MDFIC: variants seen among roughly 807,000 people sequenced by gnomAD.
The protein encoded by MDFIC is MyoD family inhibitor domain containing, also known as myoD family inhibitor domain-containing protein.
A neutral mutation model predicts 23.2 loss-of-function variants in MDFIC; 17 were observed. The ratio of observed to expected loss-of-function variants is 0.73; its 90% CI spans 0.50 to 1.10. The LOEUF (loss-of-function observed/expected upper bound fraction) is 1.10, where lower values mean the gene tolerates loss of function less well. MDFIC is among the 50% of genes least tolerant of loss of function. MDFIC has a pLI of 0.00. For synonymous variants in MDFIC, 120 were observed against 115.2 expected (o/e 1.04, Z -0.27); for missense variants, 356 against 316.6 (o/e 1.12, Z -0.95).
chr7:115,013,741 A>G (rs1791731781), intron 4 of MDFIC, among the ~76,000 whole-genome samples: 1 of 152,232 alleles, frequency 6.6e-6, no homozygotes, highest in Non-Finnish European at 1.5e-5. Context: ...GGAAAAACTC[A>G]ACTGAAGAGA....
intron 4 of MDFIC, chr7:115,014,380 C>T (rs974296312): frequency 3.9e-6 from 5 of 1,287,214 alleles, no homozygotes; most frequent in African/African-American, 1.5e-5. Context: ...ATATGGCATT[C>T]TATAGAGAAG....
At chr7:114,981,637 A>G (rs1793418886) in intron 4 of MDFIC, among the ~76,000 whole-genome samples, 1 of 152,236 alleles carries the variant, frequency 6.6e-6, no homozygotes, top group African/African-American at 2.4e-5. Context: ...AGACATGAGG[A>G]GCATAAAATA....
At chr7:114,937,013 C>G (rs1249426963) in intron 2 of MDFIC, among the ~76,000 whole-genome samples, 1 of 151,842 alleles carries the variant, frequency 6.6e-6, no homozygotes, top group East Asian at 1.9e-4. Flanking sequence ...TATTAATGCT[C>G]TTAGATTTTT....
In MDFIC at chr7:115,014,488, T is replaced by C. The variant is rs10240393; in HGVS notation, c.494-1200T>C. The C allele has an allele frequency of 1.8e-3, 2,313 of 1,289,794 alleles. 35 individuals carry two copies. The African/African-American group carries it at 0.029, about 16-fold the overall frequency. 79.9% of individuals were successfully genotyped at this position (1,289,794 alleles called of 1,614,324 possible). On this transcript the variant is annotated intron_variant, in intron 4 of 4. Coordinates refer to ENST00000393486, the MANE Select transcript of MDFIC (RefSeq NM_001166345.3). ...TTTGCTGACACTCCATCGAAGGCAC[T>C]TAATTTTAATGCCAAATACAGAAAC...
intron 4 of MDFIC, among the ~76,000 whole-genome samples, chr7:114,990,155 T>G (rs1240159451): frequency 3.3e-5 from 5 of 152,178 alleles, no homozygotes. Context: ...CATCATTGAA[T>G]TACTATCACA....
At chr7:114,979,990 T>C in intron 4 of MDFIC, 1 of 637,862 alleles carries the variant, frequency 1.6e-6, no homozygotes, top group South Asian at 1.7e-5. Flanking sequence ...TAGATAATCG[T>C]CTTCTAGAGT....
chr7:114,968,591 G>A (rs1793148532), intron 3 of MDFIC, among the ~76,000 whole-genome samples: 1 of 152,120 alleles, frequency 6.6e-6, no homozygotes, highest in Non-Finnish European at 1.5e-5. Flanking sequence ...CACCATCCCA[G>A]TTTTTTCCTA....
intron 4 of MDFIC, among the ~76,000 whole-genome samples, chr7:115,013,747 A>G (rs1791732128): frequency 1.3e-5 from 2 of 152,242 alleles, no homozygotes; most frequent in Admixed American, 1.3e-4. Flanking sequence ...ACTCAACTGA[A>G]GAGAGTCATA....
At chr7:115,004,421 G>A (rs943005302) in intron 4 of MDFIC, among the ~76,000 whole-genome samples, 1 of 152,126 alleles carries the variant, frequency 6.6e-6, no homozygotes, top group African/African-American at 2.4e-5. Context: ...ACCTGCCTGG[G>A]CAATATAGTG....
intron 3 of MDFIC, among the ~76,000 whole-genome samples, chr7:114,943,326 G>A (rs1792583537): frequency 6.6e-6 from 1 of 152,012 alleles, no homozygotes; most frequent in Non-Finnish European, 1.5e-5. Flanking sequence ...TCTCTAGAAT[G>A]CCACTACCTG....
At chr7:114,974,540 A>T (rs1793270275) in intron 3 of MDFIC, among the ~76,000 whole-genome samples, 1 of 152,150 alleles carries the variant, frequency 6.6e-6, no homozygotes, top group Non-Finnish European at 1.5e-5. Flanking sequence ...ACTGAATAGC[A>T]TGAGAATTCT....
rs1585126255 is a variant in MDFIC, at chr7:115,016,479, A to G, written c.*544A>G. Reference sequence around the variant, plus strand: ...GAAACCCCATCTCTACTAAAATACAAAAAGTTAGCTGGGCTTGGCGGTGTG... The same window carrying G: ...GAAACCCCATCTCTACTAAAATACAGAAAGTTAGCTGGGCTTGGCGGTGTG... On this transcript the variant is annotated 3_prime_UTR_variant, in exon 5 of 5. Transcript: ENST00000393486. The G allele has an allele frequency of 1.3e-5, 2 of 154,440 alleles. No individual in the cohort carries two copies. Among genetic ancestry groups the G allele is most frequent in the South Asian group, 2.0e-4 (1 of 4,948 alleles). The allele number at this position is 154,440 out of a possible 1,614,324, so 9.6% of individuals were successfully genotyped here.
intron 3 of MDFIC, among the ~76,000 whole-genome samples, chr7:114,954,284 C>T (rs1341275667): frequency 6.6e-6 from 1 of 152,182 alleles, no homozygotes; most frequent in East Asian, 1.9e-4. Context: ...CGTTCTTTTC[C>T]CTTGTAATAT....
At chr7:115,010,568 A>G (rs973595973) in intron 4 of MDFIC, among the ~76,000 whole-genome samples, 2 of 152,154 alleles carry the variant, frequency 1.3e-5, no homozygotes, top group African/African-American at 4.8e-5. Context: ...TAATATCTCT[A>G]TGATCTTGTA....
intron 3 of MDFIC, among the ~76,000 whole-genome samples, chr7:114,951,115 G>T (rs920999389): frequency 4.6e-5 from 7 of 152,328 alleles, no homozygotes; most frequent in Admixed American, 2.0e-4. Context: ...GAGCCTAGGA[G>T]GTTGGGACTG....
chr7:114,967,496 A>G (rs1047188369), intron 3 of MDFIC, among the ~76,000 whole-genome samples: 21 of 152,182 alleles, frequency 1.4e-4, no homozygotes, highest in African/African-American at 4.8e-4. Flanking sequence ...AACATATGGA[A>G]TCTTTGTCTT....
At chr7:114,932,859 C>T (rs1481728619) in intron 2 of MDFIC, among the ~76,000 whole-genome samples, 1 of 152,172 alleles carries the variant, frequency 6.6e-6, no homozygotes, top group Non-Finnish European at 1.5e-5. Flanking sequence ...ATTCTGAAGT[C>T]CCAGAATTCA....
At chr7:114,972,410 C>T (rs1793223188) in intron 3 of MDFIC, among the ~76,000 whole-genome samples, 1 of 152,050 alleles carries the variant, frequency 6.6e-6, no homozygotes, top group South Asian at 2.1e-4. Context: ...CTCTACCACC[C>T]CCTTAGACCT....
chr7:114,974,297 T>TTA (rs5886743), intron 3 of MDFIC, among the ~76,000 whole-genome samples: 1 of 151,048 alleles, frequency 6.6e-6, no homozygotes, highest in Non-Finnish European at 1.5e-5. Flanking sequence ...TATATGCATA[T>TTA]TATATATATA....
Sources: gnomAD v4.1 joint callset for allele counts (sites outside exome capture counted in the v4.1 genomes callset) on GRCh38, gnomAD v4.1.1 for gene constraint, MANE v1.5 for transcripts, NCBI Gene and HGNC (gene_info 2026-07-23, HGNC 2026-07-21) for gene names.